The following TDRD7 variants were observed in gnomAD, a reference collection of about 807,000 sequenced individuals.
TDRD7 encodes tudor domain containing 7, also known as tudor domain-containing protein 7.
A neutral mutation model predicts 109.8 loss-of-function variants in TDRD7; 47 were observed. The ratio of observed to expected loss-of-function variants is 0.43; its 90% CI spans 0.34 to 0.55. The LOEUF is 0.55. Among genes scored for constraint, TDRD7 ranks in the 20% least tolerant of loss-of-function variants. The probability of loss-of-function intolerance (pLI) is 0.03; values close to 1 mark genes in which losing one functional copy is unlikely to be tolerated. For missense variants in TDRD7, 1,164 were observed against 1,319.2 expected (o/e 0.88, Z 1.82); for synonymous variants, 424 against 457.3 (o/e 0.93, Z 0.93).
intron 6 of TDRD7, among the ~76,000 whole-genome samples, chr9:97,459,912 A>G (rs533853335): frequency 1.3e-5 from 2 of 152,222 alleles, no homozygotes; most frequent in Non-Finnish European, 2.9e-5. Context: ...AGGGCAGAGC[A>G]CTTGTGATTT....
chr9:97,418,044 C>T (rs947918745), intron 1 of TDRD7, among the ~76,000 whole-genome samples: 5 of 152,074 alleles, frequency 3.3e-5, no homozygotes, highest in Non-Finnish European at 5.9e-5. Context: ...AGAATTGCTT[C>T]AACCTAGGAG....
At chr9:97,472,212 T>A (rs926676350) in intron 9 of TDRD7, 81 bp from the exon 10 acceptor site, 2 of 1,288,756 alleles carry the variant, frequency 1.6e-6, no homozygotes, top group Non-Finnish European at 1.1e-6. Flanking sequence ...TTAATAATGG[T>A]CAAAACAGAC....
intron 1 of TDRD7, 134 bp from the exon 2 acceptor site, chr9:97,428,326 G>A: frequency 1.1e-6 from 1 of 908,420 alleles, no homozygotes; most frequent in South Asian, 1.5e-5. Flanking sequence ...CGTGGCAGTT[G>A]TTTCCCCATA....
chr9:97,473,727 G>T (rs1013931703), intron 11 of TDRD7, 101 bp downstream of exon 11: 2 of 1,471,588 alleles, frequency 1.4e-6, no homozygotes, highest in Admixed American at 3.5e-5. Flanking sequence ...TTGTATGAAC[G>T]ATTTTTTAGT....
chr9:97,473,513 G>A lies in TDRD7; in HGVS notation c.1966G>A (p.Val656Ile), dbSNP rs2131165663. 1 of 1,613,676 alleles carries A rather than the reference G, an allele frequency of 6.2e-7. No individual in the cohort carries two copies. Among genetic ancestry groups the A allele is most frequent in the Non-Finnish European group, 8.5e-7 (1 of 1,179,702 alleles). Residue 656 changes from valine (V) to isoleucine (I), a missense_variant, in exon 11 of 17, where the codon GTC (valine) becomes ATC (isoleucine). By Grantham distance (29) the Val-to-Ile change is conservative. Coordinates refer to ENST00000355295, the MANE Select transcript of TDRD7 (RefSeq NM_014290.3). ...ATAGGTTGACGCCATGTACACAAAT[G>A]TCAAAGTAACTAATATTTGCTCTGA... is the stretch of plus-strand genomic sequence containing the variant. ...HLQVDAMYTNVKVTNICSDGT... is the reference protein window; with the variant it reads ...HLQVDAMYTNIKVTNICSDGT...
intron 6 of TDRD7, among the ~76,000 whole-genome samples, chr9:97,458,022 A>G (rs982907137): frequency 1.3e-5 from 2 of 152,076 alleles, no homozygotes; most frequent in African/African-American, 4.8e-5. Context: ...GAGGGGAGGG[A>G]ACTTAGAGGG....
chr9:97,491,385 A>G (rs1264006287), intron 16 of TDRD7, among the ~76,000 whole-genome samples: 1 of 152,198 alleles, frequency 6.6e-6, no homozygotes, highest in Non-Finnish European at 1.5e-5. Context: ...CATTCCTGCC[A>G]TATTTGACTC....
At chr9:97,439,554 G>C (rs1828263311) in intron 5 of TDRD7, among the ~76,000 whole-genome samples, 1 of 152,112 alleles carries the variant, frequency 6.6e-6, no homozygotes, top group African/African-American at 2.4e-5. Context: ...GCCCTACTCT[G>C]TGTCACCTCT....
At chr9:97,439,410 T>A (rs1828259524) in intron 5 of TDRD7, 92 bp downstream of exon 5, 1 of 1,046,166 alleles carries the variant, frequency 9.6e-7, no homozygotes, top group South Asian at 1.3e-5. Flanking sequence ...TCTCACCTTC[T>A]CCTGTTTGGA....
rs1373412576 is a variant in TDRD7, at chr9:97,482,858, G to A, written c.2422G>A (p.Val808Met). ...TTTGTGTTTTCCAAAGGTTACAAAA[G>A]TGGATGAAACCAGAGGGATCGCACA... ...CSDCSIKVTK[V>M]DETRGIAHVY... Residue 808 changes from valine to methionine, a missense_variant, in exon 15 of 17, where the codon GTG becomes ATG. Val to Met is a conservative substitution (Grantham distance 21). This residue lies in a region of TDRD7 where 233 missense variants were observed against 218.0 expected (regional missense o/e 1.07). Coordinates refer to ENST00000355295, the MANE Select transcript of TDRD7 (RefSeq NM_014290.3). 1 of 1,614,030 alleles carries A rather than the reference G, an allele frequency of 6.2e-7. No homozygotes were observed. Among genetic ancestry groups the A allele is most frequent in the South Asian group, 1.1e-5 (1 of 91,066 alleles).
At chr9:97,449,928 C>A (rs970940941) in intron 6 of TDRD7, among the ~76,000 whole-genome samples, 1 of 152,186 alleles carries the variant, frequency 6.6e-6, no homozygotes, top group Non-Finnish European at 1.5e-5. Context: ...CTCACATCTG[C>A]CAAGCCTAGT....
At chr9:97,464,821 C>A (rs200035945) in intron 7 of TDRD7, 21 bp from the exon 8 acceptor site, 31 of 1,613,892 alleles carry the variant, frequency 1.9e-5, no homozygotes, top group Non-Finnish European at 2.5e-5. Context: ...CATTTGCATT[C>A]TCTTCTTTTA....
At chr9:97,433,579 A>G (rs1324241943) in intron 4 of TDRD7, among the ~76,000 whole-genome samples, 1 of 152,184 alleles carries the variant, frequency 6.6e-6, no homozygotes. Context: ...GAGTGAAAAG[A>G]CAAGCTATGG....
Position 97,428,574 on chromosome 9 carries a change from G to C in TDRD7, c.109G>C (p.Asp37His), listed in dbSNP as rs1408623207. ...LQGEYRSLTG[D>H]WIPFKQLGFP... ...AGGAGAGTACAGATCCTTGACTGGA[G>C]ACTGGATCCCCTTCAAACAGCTAGG... Residue 37 changes from aspartate (D) to histidine (H), a missense_variant, in exon 2 of 17, where the codon GAC becomes CAC. Physicochemically the swap from Asp to His is moderately conservative, Grantham distance 81 (BLOSUM62 -1). This residue lies in a region of TDRD7 where 101 missense variants were observed against 148.5 expected (regional missense o/e 0.68). Coordinates refer to ENST00000355295, the MANE Select transcript of TDRD7 (RefSeq NM_014290.3). 6.2e-7 allele frequency: 1 copy of C among 1,613,908 alleles called. No individual in the cohort carries two copies. Among genetic ancestry groups the C allele is most frequent in the Admixed American group, 1.7e-5 (1 of 59,988 alleles).
At chr9:97,441,933 T>G (rs1828314104) in intron 6 of TDRD7, 58 bp downstream of exon 6, 1 of 1,424,824 alleles carries the variant, frequency 7.0e-7, no homozygotes, top group Admixed American at 1.7e-5. Flanking sequence ...CTTTGAGATC[T>G]TGAGTTATTA....
At chr9:97,416,479 A>G (rs1186903454) in intron 1 of TDRD7, among the ~76,000 whole-genome samples, 3 of 152,230 alleles carry the variant, frequency 2.0e-5, no homozygotes, top group East Asian at 3.8e-4. Flanking sequence ...AAACAGGACT[A>G]TAAGTACATG....
At chr9:97,491,075 C>T (rs1829301923) in intron 16 of TDRD7, among the ~76,000 whole-genome samples, 1 of 152,036 alleles carries the variant, frequency 6.6e-6, no homozygotes, top group African/African-American at 2.4e-5. Context: ...ACCACCACAC[C>T]TGGCTAATTT....
At chr9:97,436,361 A>G (rs746815629) in intron 4 of TDRD7, among the ~76,000 whole-genome samples, 1 of 152,010 alleles carries the variant, frequency 6.6e-6, no homozygotes, top group Non-Finnish European at 1.5e-5. Context: ...AGGGAGTTAC[A>G]TTTTTGTCAT....
rs969744841 is a variant in TDRD7, at chr9:97,478,077, G to C, written c.2167-362G>C. ...GTTTGAGACCAGCCTGGCCAACATG[G>C]TGAAACCCCATCTCTACTAAAAAAT... is the stretch of plus-strand genomic sequence containing the variant. On this transcript the variant is annotated intron_variant, in intron 12 of 16. Coordinates refer to ENST00000355295, the MANE Select transcript of TDRD7 (RefSeq NM_014290.3). 3.9e-5 allele frequency among the ~76,000 whole-genome samples: 6 copies of C among 151,994 alleles called. No individual in the cohort carries two copies. The South Asian group carries it at 1.2e-3, about 32-fold the overall frequency.
Sources: gnomAD v4.1 joint callset for allele counts (sites outside exome capture counted in the v4.1 genomes callset) on GRCh38, gnomAD v4.1.1 for gene constraint, gnomAD v4.1.1 regional missense constraint, MANE v1.5 for transcripts, NCBI Gene and HGNC (gene_info 2026-07-23, HGNC 2026-07-21) for gene names.